The following DCDC1 variants were observed in gnomAD, a reference collection of about 807,000 sequenced individuals.
DCDC1 encodes doublecortin domain-containing protein 1.
Under a neutral mutation model 178.3 loss-of-function variants are expected in DCDC1, and 200 were observed. The ratio of observed to expected loss-of-function variants is 1.12; its 90% confidence interval spans 1.00 to 1.26. The LOEUF (loss-of-function observed/expected upper bound fraction) is 1.26, where lower values mean the gene tolerates loss of function less well. DCDC1 is among the 50% of genes most tolerant of loss of function. The probability of loss-of-function intolerance (pLI) is 0.00; values close to 1 mark genes in which losing one functional copy is unlikely to be tolerated. For synonymous variants in DCDC1, 690 were observed against 604.8 expected (o/e 1.14, Z -2.07); for missense variants, 1,983 against 1,749.2 (o/e 1.13, Z -2.38).
intron 9 of DCDC1, among the ~76,000 whole-genome samples, chr11:31,192,005 T>A (rs1214764822): frequency 6.6e-6 from 1 of 152,074 alleles, no homozygotes; most frequent in Admixed American, 6.6e-5. Context: ...CTTCCCTACT[T>A]GGATAAATGG....
chr11:30,963,189 G>A (rs769471337), intron 20 of DCDC1, among the ~76,000 whole-genome samples: 4 of 152,094 alleles, frequency 2.6e-5, no homozygotes, highest in Non-Finnish European at 5.9e-5. Flanking sequence ...TACAAAAGAA[G>A]TTCGTGCCAT....
chr11:31,257,991 T>A (rs114942175), intron 8 of DCDC1, among the ~76,000 whole-genome samples: 1 of 152,150 alleles, frequency 6.6e-6, no homozygotes, highest in African/African-American at 2.4e-5. Context: ...GATAAATTTA[T>A]AGTAAGAGCA....
intron 10 of DCDC1, among the ~76,000 whole-genome samples, chr11:31,132,734 A>G (rs1962603653): frequency 6.6e-6 from 1 of 152,210 alleles, no homozygotes; most frequent in South Asian, 2.1e-4. Context: ...AGGCTTACGT[A>G]TGCATATGTT....
At chr11:31,120,534 G>T (rs1419568000) in intron 11 of DCDC1, among the ~76,000 whole-genome samples, 1 of 152,070 alleles carries the variant, frequency 6.6e-6, no homozygotes, top group Non-Finnish European at 1.5e-5. Flanking sequence ...TTCACTTTCA[G>T]ACCTAATTTC....
At chr11:31,228,490 T>C (rs1420427703) in intron 9 of DCDC1, among the ~76,000 whole-genome samples, 3 of 152,024 alleles carry the variant, frequency 2.0e-5, no homozygotes, top group African/African-American at 7.2e-5. Context: ...ATCTAAGCTT[T>C]TGCTTTATGA....
intron 6 of DCDC1, among the ~76,000 whole-genome samples, chr11:31,299,412 A>C (rs2137516545): frequency 6.6e-6 from 1 of 152,282 alleles, no homozygotes; most frequent in South Asian, 2.1e-4. Flanking sequence ...TCTTTAAATA[A>C]GTTATGGCAG....
At chr11:31,213,470 C>A (rs1201246628) in intron 9 of DCDC1, among the ~76,000 whole-genome samples, 2 of 151,768 alleles carry the variant, frequency 1.3e-5, no homozygotes, top group Non-Finnish European at 2.9e-5. Flanking sequence ...GTCTGTAATC[C>A]CAGCACTTTG....
At chr11:31,157,355 C>CA (rs1555090310) in intron 9 of DCDC1, among the ~76,000 whole-genome samples, 51 of 121,926 alleles carry the variant, frequency 4.2e-4, no homozygotes, top group African/African-American at 1.2e-3. Flanking sequence ...GACCCTTTCT[C>CA]AAAAAAAAAA....
intron 8 of DCDC1, among the ~76,000 whole-genome samples, chr11:31,261,002 C>T (rs77113043): frequency 0.013 from 1,979 of 152,164 alleles, 52 homozygotes; most frequent in African/African-American, 0.044. Flanking sequence ...GAATTCTATT[C>T]CAAAATAGTT....
chr11:31,359,146 G>A (rs1353678680), intron 1 of DCDC1, among the ~76,000 whole-genome samples: 2 of 152,264 alleles, frequency 1.3e-5, no homozygotes, highest in Admixed American at 1.3e-4. Flanking sequence ...TATGTTTATT[G>A]TGGCACTATT....
intron 9 of DCDC1, among the ~76,000 whole-genome samples, chr11:31,218,047 C>T (rs565515543): frequency 8.6e-5 from 13 of 152,000 alleles, no homozygotes; most frequent in African/African-American, 3.1e-4. Flanking sequence ...TATGTACCCA[C>T]TAAGTGGAGA....
intron 13 of DCDC1, 66 bp from the exon 14 acceptor site, chr11:31,103,835 A>C (rs1958669783): frequency 1.4e-6 from 1 of 730,142 alleles, no homozygotes. Context: ...TTGAGCACAA[A>C]TAAACAATAA....
At chr11:31,165,698 G>T (rs189457103) in intron 9 of DCDC1, among the ~76,000 whole-genome samples, 1 of 152,082 alleles carries the variant, frequency 6.6e-6, no homozygotes, top group African/African-American at 2.4e-5. Context: ...TTTTCTTGTT[G>T]ATTTGTAGAA....
rs573871301 is a variant in DCDC1 at position 31,286,202 on chromosome 11, G to T, written c.960+4445C>A. On this transcript the variant is annotated intron_variant, in intron 7 of 38. Coordinates refer to ENST00000684477, the MANE Select transcript of DCDC1 (RefSeq NM_001387274.1). ...CTTAACTCAATAGGCTTTAAGTGGGGCCTAGAGTCTGATTTTTTAACAGAA... is the reference window on the plus strand; with the variant it reads ...CTTAACTCAATAGGCTTTAAGTGGGTCCTAGAGTCTGATTTTTTAACAGAA... Among the ~76,000 whole-genome samples, 5 of 75,664 alleles carry T rather than the reference G, an allele frequency of 6.6e-5. No homozygotes were observed. In the South Asian group the frequency reaches 2.0e-3, roughly 30 times the overall value. The allele number at this position is 75,664 out of a possible 152,430, so 49.6% of individuals were successfully genotyped here. A position where few individuals can be genotyped will look rare whatever the true frequency, so the allele number is the denominator to read the frequency against.
intron 1 of DCDC1, among the ~76,000 whole-genome samples, chr11:31,344,790 C>T (rs994458318): frequency 5.9e-5 from 9 of 152,138 alleles, no homozygotes; most frequent in Admixed American, 5.9e-4. Context: ...ATACATCTGC[C>T]TAAGAAGCTG....
chr11:31,157,368 A>ATATATATAT lies in DCDC1; in HGVS notation c.1222-19585_1222-19584insATATATATA, dbSNP rs71451195. On this transcript the variant is annotated intron_variant, in intron 9 of 38. Coordinates refer to ENST00000684477, the MANE Select transcript of DCDC1 (RefSeq NM_001387274.1). Reference sequence around the variant, plus strand: ...AAGACCCTTTCTCAAAAAAAAAAAAAAAAAATATATATATATATACATATA... The same window carrying ATATATATAT: ...AAGACCCTTTCTCAAAAAAAAAAAAATATATATATAAAAATATATATATATATACATATA... 2.1e-4 allele frequency among the ~76,000 whole-genome samples: 23 copies of ATATATATAT among 109,228 alleles called. No homozygotes were observed. In the South Asian group the frequency reaches 2.2e-3, roughly 10 times the overall value. The allele number at this position is 109,228 out of a possible 152,430, so 71.7% of individuals were successfully genotyped here. A position where few individuals can be genotyped will look rare whatever the true frequency, so the allele number is the denominator to read the frequency against.
intron 9 of DCDC1, among the ~76,000 whole-genome samples, chr11:31,201,137 G>T (rs1468124216): frequency 6.6e-6 from 1 of 151,842 alleles, no homozygotes; most frequent in Non-Finnish European, 1.5e-5. Context: ...AACTTAGAGG[G>T]TATTTATTAA....
At chr11:31,335,967 C>T (rs183756369) in intron 1 of DCDC1, among the ~76,000 whole-genome samples, 3 of 152,256 alleles carry the variant, frequency 2.0e-5, no homozygotes, top group East Asian at 1.9e-4. Flanking sequence ...GAAATAAATG[C>T]TTTCATTCAT....
chr11:31,327,971 C>G, intron 3 of DCDC1, 146 bp downstream of exon 3: 1 of 687,214 alleles, frequency 1.5e-6, no homozygotes, highest in Non-Finnish European at 2.1e-6. Flanking sequence ...CTCAAGTGAT[C>G]CACCTGCCTC....
Sources: allele counts gnomAD v4.1 joint callset (sites outside exome capture counted in the v4.1 genomes callset), GRCh38; gene constraint gnomAD v4.1.1; transcripts MANE v1.5; gene names NCBI Gene and HGNC (gene_info 2026-07-23, HGNC 2026-07-21).